ESR1: variants seen among roughly 807,000 people sequenced by gnomAD.
The protein encoded by ESR1 is estrogen receptor 1, also known as estrogen receptor.
Under a neutral mutation model 52.7 loss-of-function variants are expected in ESR1, and 12 were observed. The ratio of observed to expected loss-of-function variants is 0.23; its 90% CI spans 0.15 to 0.37. The LOEUF (loss-of-function observed/expected upper bound fraction) is 0.37. ESR1 is among the 10% of genes least tolerant of loss of function. The pLI, the probability that ESR1 is intolerant of heterozygous loss-of-function variation, is 1.00. For missense variants in ESR1, 584 were observed against 779.7 expected, an observed-to-expected ratio of 0.75 and a Z score of 2.99; for synonymous variants, 305 against 316.8, an observed-to-expected ratio of 0.96 and a Z score of 0.39.
At chr6:151,686,659 G>A (rs561083865), upstream of ESR1, among the ~76,000 whole-genome samples, 18 of 152,038 alleles carry the variant, frequency 1.2e-4, no homozygotes, top group East Asian at 2.3e-3. Flanking sequence ...CTGCACTCCA[G>A]CCTGGGTGAC....
chr6:152,065,429 C>T (rs1287522747), intron 6 of ESR1, among the ~76,000 whole-genome samples: 1 of 152,112 alleles, frequency 6.6e-6, no homozygotes. Flanking sequence ...AGTGAAAGTT[C>T]CTCAAGGCTC....
At chr6:151,698,522 G>C (rs936528337) in intron 1 of ESR1, among the ~76,000 whole-genome samples, 3 of 152,168 alleles carry the variant, frequency 2.0e-5, no homozygotes, top group Non-Finnish European at 4.4e-5. Flanking sequence ...TCCTGCAGTT[G>C]CCTAAAATGC....
intron 1 of ESR1, among the ~76,000 whole-genome samples, chr6:151,663,681 GCTTT>G (rs1777718197): frequency 6.6e-6 from 1 of 152,104 alleles, no homozygotes; most frequent in South Asian, 2.1e-4. Context: ...ACAGAGTACG[GCTTT>G]ATATTCAAGG....
At chr6:151,815,298 C>T (rs1164947719) in intron 1 of ESR1, among the ~76,000 whole-genome samples, 1 of 152,092 alleles carries the variant, frequency 6.6e-6, no homozygotes, top group Non-Finnish European at 1.5e-5. Flanking sequence ...AAGCTATTTT[C>T]TTTAGTTACA....
chr6:151,775,619 G>A (rs1785904244), intron 2 of ESR1, among the ~76,000 whole-genome samples: 1 of 152,080 alleles, frequency 6.6e-6, no homozygotes, highest in Non-Finnish European at 1.5e-5. Context: ...CGTGGCGGGC[G>A]CCTGTAGTCC....
intron 2 of ESR1, among the ~76,000 whole-genome samples, chr6:151,713,161 A>G (rs1780754553): frequency 6.6e-6 from 1 of 152,126 alleles, no homozygotes; most frequent in African/African-American, 2.4e-5. Context: ...TGTATGTTGA[A>G]CCAGCCTTGC....
intron 5 of ESR1, among the ~76,000 whole-genome samples, chr6:152,026,987 G>A (rs3020421): frequency 0.44 from 65,976 of 150,152 alleles, 16,354 homozygotes; most frequent in African/African-American, 0.67. Context: ...TTTTTTTGAG[G>A]TGGAGTTTCG....
At chr6:152,112,830 T>C (rs992668572) in intron 6 of ESR1, 2 of 152,230 alleles carry the variant, frequency 1.3e-5, no homozygotes, top group Non-Finnish European at 2.9e-5. Flanking sequence ...CAAAAGACCA[T>C]GCCATTTCCA....
At chr6:151,745,554 C>A (rs1783420832) in intron 2 of ESR1, among the ~76,000 whole-genome samples, 1 of 152,034 alleles carries the variant, frequency 6.6e-6, no homozygotes, top group Admixed American at 6.6e-5. Flanking sequence ...TAATCATAAT[C>A]ATTAAGTTAT....
chr6:151,793,026 C>T (rs906980327), intron 2 of ESR1, among the ~76,000 whole-genome samples: 1 of 151,974 alleles, frequency 6.6e-6, no homozygotes, highest in East Asian at 1.9e-4. Flanking sequence ...AAAAAATTAG[C>T]CGGGCATGGT....
At chr6:151,861,269 T>G (rs1193388166) in intron 2 of ESR1, among the ~76,000 whole-genome samples, 1 of 152,142 alleles carries the variant, frequency 6.6e-6, no homozygotes, top group Non-Finnish European at 1.5e-5. Flanking sequence ...TTGTAGTAAA[T>G]TTTAAAAAGC....
At chr6:152,029,839 A>G (rs367691472) in intron 5 of ESR1, among the ~76,000 whole-genome samples, 1 of 152,146 alleles carries the variant, frequency 6.6e-6, no homozygotes, top group Admixed American at 6.6e-5. Flanking sequence ...CACATAATTG[A>G]CAGATTCACC....
chr6:151,867,780 T>C (rs911695612), intron 2 of ESR1, among the ~76,000 whole-genome samples: 1 of 152,174 alleles, frequency 6.6e-6, no homozygotes, highest in Non-Finnish European at 1.5e-5. Context: ...TATTTCTAGG[T>C]CTGACGGGCT....
chr6:152,056,277 A>G (rs1054334630), intron 5 of ESR1, among the ~76,000 whole-genome samples: 2 of 152,174 alleles, frequency 1.3e-5, no homozygotes, highest in African/African-American at 4.8e-5. Flanking sequence ...AGCTCTTTCA[A>G]TACATCTAAT....
At chr6:151,815,865 C>G (rs1779546110) in intron 1 of ESR1, among the ~76,000 whole-genome samples, 1 of 152,122 alleles carries the variant, frequency 6.6e-6, no homozygotes, top group South Asian at 2.1e-4. Flanking sequence ...AACAAGTGTC[C>G]CTCTTGCTAT....
At chr6:151,736,360 T>G (rs1416417471) in intron 2 of ESR1, among the ~76,000 whole-genome samples, 1 of 146,112 alleles carries the variant, frequency 6.8e-6, no homozygotes, top group African/African-American at 2.5e-5. Flanking sequence ...AAATACTTAC[T>G]GTATTCCAGG....
At chr6:151,687,314 A>C (rs1374458156), upstream of ESR1, among the ~76,000 whole-genome samples, 1 of 152,142 alleles carries the variant, frequency 6.6e-6, no homozygotes, top group African/African-American at 2.4e-5. Context: ...AACGATAGTG[A>C]GTGAGTGGTC....
chr6:152,129,308 T>A (rs990676953), exon 7 of ESR1: 4 of 152,248 alleles, frequency 2.6e-5, no homozygotes, highest in African/African-American at 9.6e-5. Context: ...ATCATTTGTA[T>A]CAACCAAAGA....
chr6:152,019,052 CTT>C (rs1238269283), intron 5 of ESR1, among the ~76,000 whole-genome samples: 1 of 152,160 alleles, frequency 6.6e-6, no homozygotes, highest in African/African-American at 2.4e-5. Flanking sequence ...TCTTAAAAGT[CTT>C]TGGTTTATTG....
Sources: gnomAD v4.1 joint callset for allele counts (sites outside exome capture counted in the v4.1 genomes callset) on GRCh38, gnomAD v4.1.1 for gene constraint, MANE v1.5 for transcripts, NCBI Gene and HGNC (gene_info 2026-07-23, HGNC 2026-07-21) for gene names.